The following SNTG2 variants were observed in gnomAD, a reference collection of about 807,000 sequenced individuals.
SNTG2 encodes the protein syntrophin gamma 2, also known as gamma-2-syntrophin.
In SNTG2, 74 loss-of-function variants were observed where a neutral mutation model predicts 70.9. The ratio of observed to expected loss-of-function variants is 1.04; its 90% CI spans 0.86 to 1.27. The LOEUF (loss-of-function observed/expected upper bound fraction) is 1.27, where lower values mean the gene tolerates loss of function less well. Ranked by LOEUF, SNTG2 falls within the 50% of genes most tolerant of loss-of-function variation. SNTG2 has a pLI of 0.00. For synonymous variants in SNTG2, 278 were observed against 273.8 expected, an observed-to-expected ratio of 1.02 and a Z score of -0.15; for missense variants, 717 against 690.7, an observed-to-expected ratio of 1.04 and a Z score of -0.43.
intron 1 of SNTG2, among the ~76,000 whole-genome samples, chr2:994,362 A>G (rs377375024): frequency 6.6e-6 from 1 of 152,084 alleles, no homozygotes; most frequent in African/African-American, 2.4e-5. Context: ...CCATTGATCT[A>G]TATCTCTATT....
In SNTG2 at chr2:1,251,422, G is replaced by GCACACACCACACACCA. The variant is rs1553372258; in HGVS notation, c.1005+3994_1005+4009dup. Among the ~76,000 whole-genome samples, 398 of 149,892 alleles carry GCACACACCACACACCA rather than the reference G, an allele frequency of 2.7e-3. 1 individual carries two copies. Among genetic ancestry groups the GCACACACCACACACCA allele is most frequent in the Admixed American group, 0.012 (176 of 14,974 alleles). Reference sequence around the variant, plus strand: ...GAAGCTCACATAGACCCACACACATGCACACACCACACACCACACACACCA... The same window carrying GCACACACCACACACCA: ...GAAGCTCACATAGACCCACACACATGCACACACCACACACCACACACACCACACACCACACACACCA... On this transcript the variant is annotated intron_variant, in intron 12 of 16. Transcript: ENST00000308624.
At chr2:974,658 T>A (rs571829994) in intron 1 of SNTG2, among the ~76,000 whole-genome samples, 3 of 152,218 alleles carry the variant, frequency 2.0e-5, no homozygotes, top group Non-Finnish European at 4.4e-5. Flanking sequence ...AAAATGTTGC[T>A]GGCTTCCTCC....
intron 16 of SNTG2, among the ~76,000 whole-genome samples, chr2:1,357,570 G>A (rs1057332413): frequency 1.3e-5 from 2 of 152,106 alleles, no homozygotes; most frequent in African/African-American, 4.8e-5. Context: ...TTCAGTTTTT[G>A]AAAGAATTTG....
chr2:1,083,573 T>C lies in SNTG2; in HGVS notation c.128T>C (p.Ile43Thr), dbSNP rs1453505961. 9.3e-6 allele frequency: 15 copies of C among 1,613,612 alleles called. No homozygotes were observed. The African/African-American group carries it at 2.0e-4, about 22-fold the overall frequency. ...YDEESENAYD[I>T]RLKLTKEVLT... ...GAAGAGTCCGAAAATGCCTATGACATCCGGCTGAAGCTGACGAAAGAGGTG... is the reference window on the plus strand; with the variant it reads ...GAAGAGTCCGAAAATGCCTATGACACCCGGCTGAAGCTGACGAAAGAGGTG... The change falls in exon 2 of 17, where the codon ATC (isoleucine) becomes ACC (threonine). Residue 43 changes from isoleucine (I) to threonine (T), a missense_variant. Coordinates refer to ENST00000308624, the MANE Select transcript of SNTG2 (RefSeq NM_018968.4).
intron 1 of SNTG2, among the ~76,000 whole-genome samples, chr2:965,576 C>G (rs529577491): frequency 2.0e-5 from 3 of 147,204 alleles, no homozygotes; most frequent in South Asian, 2.1e-4. Context: ...TGGTCCCCTC[C>G]TCCTCTGTGG....
At chr2:991,111 T>TAGA (rs1661476643) in intron 1 of SNTG2, among the ~76,000 whole-genome samples, 1 of 152,172 alleles carries the variant, frequency 6.6e-6, no homozygotes, top group Non-Finnish European at 1.5e-5. Context: ...AGACTTTCTC[T>TAGA]TAATTTGCCT....
chr2:1,071,100 G>T (rs1283965039), intron 1 of SNTG2, among the ~76,000 whole-genome samples: 1 of 152,244 alleles, frequency 6.6e-6, no homozygotes, highest in Admixed American at 6.5e-5. Context: ...TTAAGTGAAA[G>T]GAAGAGTGGC....
intron 8 of SNTG2, among the ~76,000 whole-genome samples, chr2:1,197,545 G>A (rs34029327): frequency 0.21 from 29,438 of 142,042 alleles, 3,499 homozygotes; most frequent in African/African-American, 0.36. Context: ...GTGTGTGTGT[G>A]TGTGTATATT....
intron 1 of SNTG2, among the ~76,000 whole-genome samples, chr2:1,031,528 A>ATATATATATATATATTTTT: frequency 3.4e-5 from 2 of 59,118 alleles, no homozygotes; most frequent in African/African-American, 8.3e-5. Context: ...ATATATATAT[A>ATATATATATATATATTTTT]TTTTTTTTTT....
At chr2:1,320,464 A>G (rs563300823) in intron 16 of SNTG2, among the ~76,000 whole-genome samples, 2 of 150,592 alleles carry the variant, frequency 1.3e-5, no homozygotes, top group South Asian at 4.2e-4. Flanking sequence ...CCCGGGAGGC[A>G]GAGCTTACAG....
At chr2:1,213,521 T>G (rs1419965757) in intron 9 of SNTG2, among the ~76,000 whole-genome samples, 1 of 152,178 alleles carries the variant, frequency 6.6e-6, no homozygotes, top group East Asian at 1.9e-4. Flanking sequence ...AGTAAGATAA[T>G]TATTTGCCCA....
chr2:1,180,073 G>T (rs1203412696), intron 8 of SNTG2, among the ~76,000 whole-genome samples: 144 of 128,614 alleles, frequency 1.1e-3, no homozygotes, highest in African/African-American at 3.7e-3. Context: ...AATTCAAGAT[G>T]GATTAAAGAC....
rs1660889326 is a variant in SNTG2 at position 975,721 on chromosome 2, C to A, written c.72+24653C>A. On this transcript the variant is annotated intron_variant, in intron 1 of 16. Coordinates refer to ENST00000308624, the MANE Select transcript of SNTG2 (RefSeq NM_018968.4). ...GACTGGAATTAATTGTGTGTTCATC[C>A]TGAATGTATTTAGTAAATTGTGAGT... Among the ~76,000 whole-genome samples the A allele has an allele frequency of 3.3e-5, 5 of 152,284 alleles. No homozygotes were observed. The South Asian group carries it at 1.0e-3, about 32-fold the overall frequency.
At chr2:1,291,233 G>A (rs1679977387) in intron 14 of SNTG2, among the ~76,000 whole-genome samples, 1 of 152,102 alleles carries the variant, frequency 6.6e-6, no homozygotes, top group Non-Finnish European at 1.5e-5. Context: ...AGTTGTAGGA[G>A]TTCTTATGTA....
At chr2:1,147,406 C>A (rs1210072031) in intron 6 of SNTG2, among the ~76,000 whole-genome samples, 1 of 152,190 alleles carries the variant, frequency 6.6e-6, no homozygotes, top group Non-Finnish European at 1.5e-5. Flanking sequence ...GAATATAAAG[C>A]AGGCAGAAAA....
intron 12 of SNTG2, among the ~76,000 whole-genome samples, chr2:1,252,662 T>C (rs1261005566): frequency 6.6e-6 from 1 of 152,188 alleles, no homozygotes. Context: ...GGCCTATTAA[T>C]GCTTGGCGGT....
intron 15 of SNTG2, among the ~76,000 whole-genome samples, chr2:1,315,256 A>G (rs1449055302): frequency 6.6e-6 from 1 of 152,180 alleles, no homozygotes; most frequent in Admixed American, 6.5e-5. Context: ...CGGAGATTCT[A>G]TTTAGCTCCT....
intron 6 of SNTG2, among the ~76,000 whole-genome samples, chr2:1,148,511 C>A (rs1669247934): frequency 6.6e-6 from 1 of 152,200 alleles, no homozygotes; most frequent in African/African-American, 2.4e-5. Flanking sequence ...CAGGAGTCAG[C>A]TAAGGACCTG....
chr2:1,304,417 T>C (rs1296302347), intron 14 of SNTG2, among the ~76,000 whole-genome samples: 1 of 152,124 alleles, frequency 6.6e-6, no homozygotes, highest in Non-Finnish European at 1.5e-5. Flanking sequence ...GTTCTTGGTG[T>C]TCAGAACACA....
Sources: gnomAD v4.1 joint callset for allele counts (sites outside exome capture counted in the v4.1 genomes callset) on GRCh38, gnomAD v4.1.1 for gene constraint, MANE v1.5 for transcripts, NCBI Gene and HGNC (gene_info 2026-07-23, HGNC 2026-07-21) for gene names.